The following BBS9 variants were observed in gnomAD, a reference collection of about 807,000 sequenced individuals.
BBS9 encodes the protein protein PTHB1.
BBS9 carries 89 observed loss-of-function variants against 117.7 expected under a neutral mutation model. The ratio of observed to expected loss-of-function variants is 0.76; its 90% CI spans 0.64 to 0.90. BBS9 has a LOEUF of 0.90. Among genes scored for constraint, BBS9 ranks in the 40% least tolerant of loss-of-function variants. The probability of loss-of-function intolerance (pLI) is 0.00; values close to 1 mark genes in which losing one functional copy is unlikely to be tolerated. For synonymous variants in BBS9, 379 were observed against 370.9 expected (o/e 1.02, Z -0.25); for missense variants, 982 against 1,042.2 (o/e 0.94, Z 0.80).
chr7:33,301,677 T>C (rs546298112), intron 9 of BBS9, among the ~76,000 whole-genome samples: 1 of 152,292 alleles, frequency 6.6e-6, no homozygotes, highest in South Asian at 2.1e-4. Flanking sequence ...CGTTTTTCTG[T>C]TGATGGACAC....
At chr7:33,231,898 A>G (rs140663485) in intron 5 of BBS9, among the ~76,000 whole-genome samples, 1 of 152,198 alleles carries the variant, frequency 6.6e-6, no homozygotes, top group East Asian at 1.9e-4. Context: ...GATAAATAGA[A>G]GCATCACTGG....
intron 9 of BBS9, among the ~76,000 whole-genome samples, chr7:33,319,606 T>C (rs1371659839): frequency 1.3e-5 from 2 of 152,208 alleles, no homozygotes; most frequent in East Asian, 1.9e-4. Flanking sequence ...TGGTATTACA[T>C]TGTGGTTTTG....
chr7:33,332,354 C>A (rs1814264186), intron 9 of BBS9, among the ~76,000 whole-genome samples: 1 of 152,020 alleles, frequency 6.6e-6, no homozygotes, highest in Non-Finnish European at 1.5e-5. Flanking sequence ...CAAAAGCCAC[C>A]TGTACCCCAA....
downstream of BBS9, among the ~76,000 whole-genome samples, chr7:33,608,401 C>T (rs1215546768): frequency 6.6e-6 from 1 of 152,028 alleles, no homozygotes; most frequent in Non-Finnish European, 1.5e-5. Context: ...TGGATATATA[C>T]TCAGTAGTGG....
chr7:33,485,792 A>G (rs1261772804), intron 19 of BBS9, among the ~76,000 whole-genome samples: 2 of 152,212 alleles, frequency 1.3e-5, no homozygotes, highest in Non-Finnish European at 2.9e-5. Flanking sequence ...ATAATTGATT[A>G]GGTGTGAACC....
chr7:33,299,371 A>G (rs1805914224), intron 9 of BBS9, among the ~76,000 whole-genome samples: 1 of 151,918 alleles, frequency 6.6e-6, no homozygotes, highest in Non-Finnish European at 1.5e-5. Context: ...GAAGTTGTAT[A>G]TGATGTGCTG....
intron 20 of BBS9, among the ~76,000 whole-genome samples, chr7:33,527,097 C>T (rs1276644415): frequency 2.6e-5 from 4 of 152,076 alleles, no homozygotes; most frequent in Middle Eastern, 3.4e-3. Flanking sequence ...AGGAGGCAGT[C>T]TGCCTCTTCT....
intron 21 of BBS9, among the ~76,000 whole-genome samples, chr7:33,567,323 C>A (rs1056906734): frequency 2.6e-5 from 4 of 152,166 alleles, no homozygotes; most frequent in Non-Finnish European, 5.9e-5. Context: ...TCCCTGGATA[C>A]CAGGACTCTC....
chr7:33,391,696 T>G (rs1827102033), intron 19 of BBS9, among the ~76,000 whole-genome samples: 2 of 152,234 alleles, frequency 1.3e-5, no homozygotes, highest in Admixed American at 6.5e-5. Context: ...TTGTTTAATA[T>G]TCTATCATGT....
At chr7:33,178,617 T>C (rs2128165601) in intron 5 of BBS9, among the ~76,000 whole-genome samples, 1 of 152,350 alleles carries the variant, frequency 6.6e-6, no homozygotes, top group East Asian at 1.9e-4. Context: ...TCTATGTTCC[T>C]GTGCCACCTG....
chr7:33,402,742 C>A (rs1490311113), intron 19 of BBS9, among the ~76,000 whole-genome samples: 1 of 152,146 alleles, frequency 6.6e-6, no homozygotes, highest in African/African-American at 2.4e-5. Flanking sequence ...AGGCTTGTTA[C>A]AAAGGTATAT....
At chr7:33,154,488 G>A (rs867568252) in intron 3 of BBS9, among the ~76,000 whole-genome samples, 22 of 152,032 alleles carry the variant, frequency 1.4e-4, no homozygotes, top group South Asian at 2.1e-4. Context: ...ATTTTGAGGC[G>A]GAGTTTCACT....
chr7:33,498,816 T>C (rs944360864), intron 19 of BBS9, among the ~76,000 whole-genome samples: 3 of 152,234 alleles, frequency 2.0e-5, no homozygotes, highest in Admixed American at 2.0e-4. Flanking sequence ...AATGCTGCTA[T>C]AACTATTCGT....
intron 19 of BBS9, among the ~76,000 whole-genome samples, chr7:33,412,433 A>G (rs529123087): frequency 6.6e-6 from 1 of 152,282 alleles, no homozygotes; most frequent in East Asian, 1.9e-4. Flanking sequence ...TGAGTTTCTG[A>G]AGGTATGCCT....
intron 19 of BBS9, among the ~76,000 whole-genome samples, chr7:33,416,141 G>A (rs1371997606): frequency 1.3e-5 from 2 of 151,956 alleles, no homozygotes; most frequent in African/African-American, 2.4e-5. Flanking sequence ...GCTTCACATA[G>A]TGTTTCTATC....
At chr7:33,257,132 T>C (rs1263603845) in intron 5 of BBS9, 104 bp from the exon 6 acceptor site, 2 of 730,542 alleles carry the variant, frequency 2.7e-6, no homozygotes, top group East Asian at 3.0e-5. Flanking sequence ...CTATGATTTA[T>C]GTAAAATTGG....
intron 9 of BBS9, among the ~76,000 whole-genome samples, chr7:33,302,277 CT>C (rs1354688223): frequency 2.0e-5 from 3 of 152,044 alleles, no homozygotes; most frequent in Non-Finnish European, 2.9e-5. Flanking sequence ...AGCTTTTTAA[CT>C]TGATGTGATC....
intron 17 of BBS9, among the ~76,000 whole-genome samples, chr7:33,383,235 T>A (rs1168158012): frequency 6.6e-6 from 1 of 152,226 alleles, no homozygotes; most frequent in African/African-American, 2.4e-5. Flanking sequence ...TGAATTATGC[T>A]GATTGCAGTA....
intron 20 of BBS9, among the ~76,000 whole-genome samples, chr7:33,533,088 A>C (rs1850830756): frequency 6.6e-6 from 1 of 152,162 alleles, no homozygotes; most frequent in Non-Finnish European, 1.5e-5. Flanking sequence ...GGATGCCTAA[A>C]GGGAGCTCCT....
Sources: allele counts gnomAD v4.1 joint callset (sites outside exome capture counted in the v4.1 genomes callset), GRCh38; gene constraint gnomAD v4.1.1; transcripts MANE v1.5; gene names NCBI Gene and HGNC (gene_info 2026-07-23, HGNC 2026-07-21).